Variants in SPACA6 observed in about 807,000 individuals in gnomAD.
SPACA6 encodes sperm acrosome membrane-associated protein 6.
For missense variants in SPACA6, 8 were observed against 2.8 expected (o/e 2.88, Z -1.34); for synonymous variants, 6 against 1.5 (o/e 4.05, Z -2.21).
At chr19:51,712,934 T>C (rs1246390735), downstream of SPACA6, among the ~76,000 whole-genome samples, 7 of 151,982 alleles carry the variant, frequency 4.6e-5, no homozygotes, top group African/African-American at 1.4e-4. Flanking sequence ...AATTTAACCC[T>C]CACACCAACC....
chr19:51,691,026 C>CGTAGACCCGT (rs2083366593), upstream of SPACA6, among the ~76,000 whole-genome samples: 1 of 124,346 alleles, frequency 8.0e-6, no homozygotes, highest in East Asian at 2.5e-4. Context: ...GAGAGCTGGC[C>CGTAGACCCGT]GTAGACCCGT....
chr19:51,691,770 G>T (rs1395946416), upstream of SPACA6, among the ~76,000 whole-genome samples: 7 of 150,696 alleles, frequency 4.6e-5, no homozygotes, highest in African/African-American at 1.7e-4. Flanking sequence ...GGCTGGGCAC[G>T]GGAGAGACCC....
chr19:51,699,829 G>A (rs1416853064), intron 2 of SPACA6, among the ~76,000 whole-genome samples: 3 of 152,040 alleles, frequency 2.0e-5, no homozygotes, highest in African/African-American at 4.8e-5. Context: ...GGGGGTGGGC[G>A]GCACGATTTA....
intron 2 of SPACA6, among the ~76,000 whole-genome samples, chr19:51,697,492 T>C (rs1445173875): frequency 6.6e-6 from 1 of 152,160 alleles, no homozygotes; most frequent in Non-Finnish European, 1.5e-5. Flanking sequence ...GGATATCCTC[T>C]ACCGGCCCTG....
Position 51,693,643 on chromosome 19 carries a change from C to A in SPACA6, c.117C>A (p.Arg39=), listed in dbSNP as rs569172583. 2 of 414,618 alleles carry A rather than the reference C, an allele frequency of 4.8e-6. No individual in the cohort carries two copies. The highest frequency in any genetic ancestry group is 2.0e-5 in the African/African-American group (1 of 49,542). 25.7% of individuals were successfully genotyped at this position (414,618 alleles called of 1,614,324 possible). The change falls in exon 1 of 9, where the codon CGC becomes CGA. Residue 39 remains arginine, a synonymous_variant. Coordinates refer to ENST00000637797, the MANE Select transcript of SPACA6 (RefSeq NM_001316972.2). ...TCACAACCTACTCTGAGCGCCTCCGCATCTGCCAGATGTTTGTTGGGATGC... is the reference window on the plus strand; with the variant it reads ...TCACAACCTACTCTGAGCGCCTCCGAATCTGCCAGATGTTTGTTGGGATGC... ...LCFTTYSERL[R]ICQMFVGMRS... is the part of the protein sequence containing the mutation.
chr19:51,688,764 A>C (rs2083341120), upstream of SPACA6, among the ~76,000 whole-genome samples: 2 of 152,074 alleles, frequency 1.3e-5, no homozygotes, highest in Admixed American at 6.6e-5. Context: ...CCACAGGCAG[A>C]GAAAGAGGAT....
rs117471602 is a variant in SPACA6 at position 51,705,137 on chromosome 19, C to T, written c.*14C>T. ...AGTGGCAACTAACAAAGGTATCTTT[C>T]CTCCTTCCCTATCCTATTTCCATCC... On this transcript the variant is annotated 3_prime_UTR_variant, in exon 9 of 9. Coordinates refer to ENST00000637797, the MANE Select transcript of SPACA6 (RefSeq NM_001316972.2). The T allele has an allele frequency of 5.4e-3, 2,151 of 401,314 alleles. 18 individuals are homozygous for T. The highest frequency in any genetic ancestry group is 4.5e-3 in the Non-Finnish European group (1,022 of 226,274). The allele number at this position is 401,314 out of a possible 1,614,324, so 24.9% of individuals were successfully genotyped here. A position where few individuals can be genotyped will look rare whatever the true frequency, so the allele number is the denominator to read the frequency against.
chr19:51,704,222 C>G (rs181505365), intron 7 of SPACA6, 36 bp downstream of exon 7: 1 of 400,602 alleles, frequency 2.5e-6, no homozygotes, highest in Admixed American at 4.4e-5. Flanking sequence ...TGAGCGGGGT[C>G]GGGAGAGGGG....
chr19:51,704,300 A>T lies in SPACA6; in HGVS notation c.761A>T (p.Glu254Val), dbSNP rs1204069339. ...VTGPPPRAET[E>V]LQASFREVLR... is the part of the protein sequence containing the mutation. ...GGCCCGCCCCCGCGGGCGGAGACAG[A>T]GTTGCAGGCCTCGTTCCGGGAAGTG... Residue 254 changes from glutamate (E) to valine (V), a missense_variant, in exon 8 of 9, where the codon GAG becomes GTG. Coordinates refer to ENST00000637797, the MANE Select transcript of SPACA6 (RefSeq NM_001316972.2). 4.2e-5 allele frequency: 17 copies of T among 400,526 alleles called. No individual in the cohort carries two copies. The highest frequency in any genetic ancestry group is 7.5e-5 in the Non-Finnish European group (17 of 226,014). 24.8% of individuals were successfully genotyped at this position (400,526 alleles called of 1,614,324 possible).
chr19:51,702,431 C>G, intron 3 of SPACA6, 198 bp from the exon 4 acceptor site: 1 of 391,174 alleles, frequency 2.6e-6, no homozygotes, highest in East Asian at 3.6e-5. Flanking sequence ...CTGGGCCTGA[C>G]CTCCTAGTGG....
chr19:51,691,168 G>C (rs2083368486), upstream of SPACA6, among the ~76,000 whole-genome samples: 1 of 149,980 alleles, frequency 6.7e-6, no homozygotes, highest in African/African-American at 2.5e-5. Flanking sequence ...GACCTGGCTC[G>C]AGCTGCGAGG....
upstream of SPACA6, among the ~76,000 whole-genome samples, chr19:51,689,788 G>A (rs2083353901): frequency 6.6e-6 from 1 of 151,850 alleles, no homozygotes; most frequent in South Asian, 2.1e-4. Context: ...GAGAAGGCTG[G>A]GGACACTTCC....
intron 2 of SPACA6, among the ~76,000 whole-genome samples, chr19:51,700,033 C>T (rs2083457203): frequency 6.6e-6 from 1 of 152,162 alleles, no homozygotes; most frequent in African/African-American, 2.4e-5. Flanking sequence ...GCAGGCGGAT[C>T]ACCTGAGGTT....
downstream of SPACA6, among the ~76,000 whole-genome samples, chr19:51,709,714 C>T (rs1340230134): frequency 6.6e-6 from 1 of 151,878 alleles, no homozygotes; most frequent in Non-Finnish European, 1.5e-5. Context: ...TCCATGGCTA[C>T]TGTGTGGCTA....
intron 2 of SPACA6, among the ~76,000 whole-genome samples, chr19:51,699,530 C>T (rs2083453693): frequency 6.6e-6 from 1 of 152,214 alleles, no homozygotes; most frequent in African/African-American, 2.4e-5. Context: ...GTGACTCGAA[C>T]AACAGAAGTT....
chr19:51,704,925 T>G, intron 8 of SPACA6, 165 bp from the exon 9 acceptor site: 1 of 195,966 alleles, frequency 5.1e-6, no homozygotes, highest in Non-Finnish European at 8.8e-6. Flanking sequence ...GACCCCCAAG[T>G]TTCTCTTCCT....
intron 1 of SPACA6, 32 bp from the exon 2 acceptor site, chr19:51,694,446 C>A: frequency 2.5e-6 from 1 of 399,480 alleles, no homozygotes; most frequent in Non-Finnish European, 4.4e-6. Context: ...GGAGCTGCCT[C>A]CCCCAGCCCC....
At chr19:51,709,409 T>G (rs368299211), downstream of SPACA6, among the ~76,000 whole-genome samples, 371 of 150,358 alleles carry the variant, frequency 2.5e-3, 3 homozygotes, top group South Asian at 0.021. Flanking sequence ...CCCAGCTACT[T>G]TGGAGGTTGA....
At chr19:51,712,186 TG>T (rs771113446) in exon 3 of SPACA6, 3 of 152,156 alleles carry the variant, frequency 2.0e-5, no homozygotes, top group Non-Finnish European at 2.9e-5. Flanking sequence ...TAATTTTTTT[TG>T]TATTTTTAGT....
Sources: allele counts gnomAD v4.1 joint callset (sites outside exome capture counted in the v4.1 genomes callset), GRCh38; gene constraint gnomAD v4.1.1; transcripts MANE v1.5; gene names NCBI Gene and HGNC (gene_info 2026-07-23, HGNC 2026-07-21).